Variants in USP3 observed in about 807,000 individuals in gnomAD.
The protein encoded by USP3 is ubiquitin carboxyl-terminal hydrolase 3.
USP3 carries 20 observed loss-of-function variants against 72.3 expected under a neutral mutation model. That is an observed-to-expected ratio of 0.28 (90% CI 0.19 to 0.40). The LOEUF (loss-of-function observed/expected upper bound fraction) is 0.40, where lower values mean the gene tolerates loss of function less well. Among genes scored for constraint, USP3 ranks in the 10% least tolerant of loss-of-function variants. The probability of loss-of-function intolerance (pLI) is 1.00; values close to 1 mark genes in which losing one functional copy is unlikely to be tolerated. For missense variants in USP3, 479 were observed against 633.9 expected, an observed-to-expected ratio of 0.76 and a Z score of 2.62; for synonymous variants, 222 against 225.3, an observed-to-expected ratio of 0.99 and a Z score of 0.13.
At chr15:63,590,208 G>A (rs1167988605) in intron 14 of USP3, among the ~76,000 whole-genome samples, 1 of 152,172 alleles carries the variant, frequency 6.6e-6, no homozygotes, top group East Asian at 1.9e-4. Context: ...ACAAAGGTCT[G>A]TTCTAGCTGC....
chr15:63,571,026 T>C (rs566911942), intron 9 of USP3, among the ~76,000 whole-genome samples: 2 of 152,224 alleles, frequency 1.3e-5, no homozygotes, highest in East Asian at 3.8e-4. Context: ...TGTTCTTTAA[T>C]GAAATCGAGG....
At position 63,560,432 on chromosome 15, in the gene USP3, A is replaced by T. The variant is rs1045220420; in HGVS notation, c.647+462A>T. On this transcript the variant is annotated intron_variant, in intron 7 of 14. Coordinates refer to ENST00000380324, the MANE Select transcript of USP3 (RefSeq NM_006537.4). Reference sequence around the variant, plus strand: ...CTCCATCTCAAAAAAAAAAAAAAAAATTGTTGGGATTCCTTTATTTACCGT... The same window carrying T: ...CTCCATCTCAAAAAAAAAAAAAAAATTTGTTGGGATTCCTTTATTTACCGT... Among the ~76,000 whole-genome samples, 8 of 151,290 alleles carry T rather than the reference A, an allele frequency of 5.3e-5. No individual in the cohort carries two copies. In the South Asian group the frequency reaches 1.7e-3, roughly 32 times the overall value.
intron 11 of USP3, among the ~76,000 whole-genome samples, chr15:63,579,349 G>A (rs890557904): frequency 6.6e-6 from 1 of 152,144 alleles, no homozygotes; most frequent in African/African-American, 2.4e-5. Context: ...TGAAAGTAAG[G>A]TAGAAACATA....
chr15:63,517,009 T>A (rs1379074205), intron 1 of USP3, among the ~76,000 whole-genome samples: 1 of 151,664 alleles, frequency 6.6e-6, no homozygotes, highest in Non-Finnish European at 1.5e-5. Flanking sequence ...CTTTGCCTTT[T>A]GGTTCTAGTT....
intron 11 of USP3, among the ~76,000 whole-genome samples, chr15:63,575,703 A>C (rs1398424023): frequency 6.6e-6 from 1 of 152,032 alleles, no homozygotes. Flanking sequence ...TGTCTCCAAA[A>C]CTGTTTTTGG....
intron 1 of USP3, among the ~76,000 whole-genome samples, chr15:63,524,027 A>G (rs1053411605): frequency 6.6e-6 from 1 of 152,230 alleles, no homozygotes; most frequent in South Asian, 2.1e-4. Flanking sequence ...CTATGGAAAT[A>G]GTGCTTTTGA....
chr15:63,581,964 G>A (rs1484771224), intron 11 of USP3, among the ~76,000 whole-genome samples: 8 of 152,170 alleles, frequency 5.3e-5, no homozygotes, highest in South Asian at 2.1e-4. Flanking sequence ...GATTACAGGC[G>A]TGAGCCACTA....
Position 63,504,662 on chromosome 15 carries a change from C to A in USP3, c.-78C>A. ...GCGCCCGGCTAGAAGCGACACCAGACGGAGCCTCCGGAGTTCCTCCGCCCC... is the reference window on the plus strand; with the variant it reads ...GCGCCCGGCTAGAAGCGACACCAGAAGGAGCCTCCGGAGTTCCTCCGCCCC... On this transcript the variant is annotated 5_prime_UTR_variant, in exon 1 of 15. Coordinates refer to ENST00000380324, the MANE Select transcript of USP3 (RefSeq NM_006537.4). The A allele has an allele frequency of 7.8e-6, 10 of 1,282,442 alleles. No individual in the cohort carries two copies. The highest frequency in any genetic ancestry group is 9.5e-6 in the Non-Finnish European group (9 of 950,900). The allele number at this position is 1,282,442 out of a possible 1,614,324, so 79.4% of individuals were successfully genotyped here.
chr15:63,560,185 T>G (rs983852580), intron 7 of USP3, among the ~76,000 whole-genome samples: 1 of 152,148 alleles, frequency 6.6e-6, no homozygotes, highest in Non-Finnish European at 1.5e-5. Context: ...TTTGGGATGC[T>G]GAGGCGGGTG....
intron 11 of USP3, among the ~76,000 whole-genome samples, chr15:63,579,708 A>G (rs1488166004): frequency 1.3e-5 from 2 of 152,210 alleles, no homozygotes; most frequent in African/African-American, 4.8e-5. Flanking sequence ...AGCAATGGTA[A>G]AAGACCATAA....
chr15:63,562,991 G>C lies in USP3; in HGVS notation c.744G>C (p.Lys248Asn). 1.2e-6 allele frequency: 2 copies of C among 1,610,204 alleles called. No individual in the cohort carries two copies. The highest frequency in any genetic ancestry group is 1.7e-6 in the Non-Finnish European group (2 of 1,178,274). Reference protein sequence around the residue: ...SPESLFYVVWKIMPNFRGYQQ... With the variant: ...SPESLFYVVWNIMPNFRGYQQ... ...AGTCCTTATTTTATGTTGTTTGGAA[G>C]ATTATGCCAAACTTTAGGTAAGTAT... Residue 248 changes from lysine to asparagine, a missense_variant, in exon 8 of 15, where the codon AAG (lysine) becomes AAC (asparagine). Coordinates refer to ENST00000380324, the MANE Select transcript of USP3 (RefSeq NM_006537.4).
chr15:63,517,218 A>G (rs2152650869), intron 1 of USP3, among the ~76,000 whole-genome samples: 1 of 152,040 alleles, frequency 6.6e-6, no homozygotes, highest in South Asian at 2.1e-4. Flanking sequence ...AATTTCCTTG[A>G]TATTTTTTCT....
At chr15:63,534,293 T>C (rs1244807859) in intron 2 of USP3, among the ~76,000 whole-genome samples, 1 of 152,214 alleles carries the variant, frequency 6.6e-6, no homozygotes, top group African/African-American at 2.4e-5. Flanking sequence ...GCCAAATTTA[T>C]TGATTTTTTG....
chr15:63,536,889 TAATA>T (rs1339577560), intron 2 of USP3, 132 bp from the exon 3 acceptor site: 9 of 950,758 alleles, frequency 9.5e-6, no homozygotes, highest in South Asian at 5.4e-5. Context: ...GTATTCAGTA[TAATA>T]AATCACTACA....
rs554832616 is a variant in USP3 at position 63,533,696 on chromosome 15, T to A, written c.152+989T>A. The A allele has an allele frequency of 8.1e-6, 3 of 369,648 alleles. No homozygotes were observed. The East Asian group carries it at 2.7e-4, about 33-fold the overall frequency. 22.9% of individuals were successfully genotyped at this position (369,648 alleles called of 1,614,324 possible). On this transcript the variant is annotated intron_variant, in intron 2 of 14. Transcript: ENST00000380324. ...TTCAGTGAAGTTTTGATTTTTCACA[T>A]TTTGAGTCCTGGAATTGAGTATTTT...
chr15:63,529,291 A>C lies in USP3; in HGVS notation c.92-3356A>C. The C allele has an allele frequency of 2.7e-6, 1 of 369,184 alleles. No homozygotes were observed. Among genetic ancestry groups the C allele is most frequent in the South Asian group, 2.1e-5 (1 of 46,932 alleles). 22.9% of individuals were successfully genotyped at this position (369,184 alleles called of 1,614,324 possible). A position where few individuals can be genotyped will look rare whatever the true frequency, so the allele number is the denominator to read the frequency against. ...TTCCCTTTTACTTTCTCTCCTTATCATTACGTATCTGTCTGTCTAATTGAT... is the reference window on the plus strand; with the variant it reads ...TTCCCTTTTACTTTCTCTCCTTATCCTTACGTATCTGTCTGTCTAATTGAT... On this transcript the variant is annotated intron_variant, in intron 1 of 14. Coordinates refer to ENST00000380324, the MANE Select transcript of USP3 (RefSeq NM_006537.4). This position sits in a 1 kb window ranked among gnomAD's most constrained non-coding sequence, Gnocchi z 4.2.
At chr15:63,551,683 A>G (rs1457146687) in intron 3 of USP3, 1 of 152,204 alleles carries the variant, frequency 6.6e-6, no homozygotes, top group African/African-American at 2.4e-5. Context: ...AATCCTACCA[A>G]ACTATAACAT....
intron 6 of USP3, among the ~76,000 whole-genome samples, chr15:63,559,292 T>C (rs892478700): frequency 6.6e-6 from 1 of 152,186 alleles, no homozygotes; most frequent in African/African-American, 2.4e-5. Flanking sequence ...GAAAGTTGCA[T>C]ACTTTTAGAT....
rs1301617905 is a variant in USP3, at chr15:63,533,544, G to A, written c.152+837G>A. On this transcript the variant is annotated intron_variant, in intron 2 of 14. Transcript: ENST00000380324. The stretch of plus-strand genomic sequence containing the variant: ...TTTGAATTTACTTTAGAAGTTAATA[G>A]CTTAGCAGTAAGGAAATGAGAAATC... Among the ~76,000 whole-genome samples, 4 of 152,138 alleles carry A rather than the reference G, an allele frequency of 2.6e-5. No individual in the cohort carries two copies. The East Asian group carries it at 7.7e-4, about 29-fold the overall frequency.
Sources: allele counts gnomAD v4.1 joint callset (sites outside exome capture counted in the v4.1 genomes callset), GRCh38; gene constraint gnomAD v4.1.1; non-coding constraint Gnocchi (gnomAD v3.1); transcripts MANE v1.5; gene names NCBI Gene and HGNC (gene_info 2026-07-23, HGNC 2026-07-21).